SUMF1: variants seen among roughly 807,000 people sequenced by gnomAD.
SUMF1 encodes the protein formylglycine-generating enzyme.
A neutral mutation model predicts 47.6 loss-of-function variants in SUMF1; 48 were observed. The ratio of observed to expected loss-of-function variants is 1.01; its 90% CI spans 0.80 to 1.28. The LOEUF (loss-of-function observed/expected upper bound fraction) is 1.28, where lower values mean the gene tolerates loss of function less well. Ranked by LOEUF, SUMF1 falls within the 50% of genes most tolerant of loss-of-function variation. The pLI is 0.00. For synonymous variants in SUMF1, 230 were observed against 192.1 expected, an observed-to-expected ratio of 1.20 and a Z score of -1.63; for missense variants, 571 against 485.4, an observed-to-expected ratio of 1.18 and a Z score of -1.66.
intron 8 of SUMF1, among the ~76,000 whole-genome samples, chr3:4,286,759 A>G (rs565343807): frequency 5.3e-5 from 8 of 152,290 alleles, no homozygotes; most frequent in Admixed American, 3.3e-4. Context: ...CCATCATAAC[A>G]CCATCGTAGC....
intron 8 of SUMF1, among the ~76,000 whole-genome samples, chr3:4,225,608 G>A (rs1478860494): frequency 6.6e-5 from 10 of 152,060 alleles, no homozygotes; most frequent in Admixed American, 4.6e-4. Context: ...AGTCCAAATC[G>A]CTGGTGACAG....
intron 8 of SUMF1, among the ~76,000 whole-genome samples, chr3:4,295,313 G>A (rs1341592534): frequency 6.6e-6 from 1 of 151,940 alleles, no homozygotes; most frequent in African/African-American, 2.4e-5. Flanking sequence ...ATATTTGGTG[G>A]TATCCAGCGA....
intron 8 of SUMF1, among the ~76,000 whole-genome samples, chr3:4,109,904 T>C (rs1226712165): frequency 6.6e-6 from 1 of 152,162 alleles, no homozygotes; most frequent in Non-Finnish European, 1.5e-5. Context: ...TTTGATTGTC[T>C]GAAGCCTTCT....
chr3:4,214,330 A>G (rs962787894), intron 8 of SUMF1, among the ~76,000 whole-genome samples: 2 of 152,156 alleles, frequency 1.3e-5, no homozygotes, highest in African/African-American at 4.8e-5. Context: ...AACAAAATGA[A>G]GGCACAAATA....
At chr3:4,352,686 C>T (rs1477934366) in intron 8 of SUMF1, among the ~76,000 whole-genome samples, 1 of 138,040 alleles carries the variant, frequency 7.2e-6, no homozygotes, top group Non-Finnish European at 1.5e-5. Flanking sequence ...GTAGTCCATG[C>T]ATAGAATTAT....
intron 8 of SUMF1, among the ~76,000 whole-genome samples, chr3:4,168,332 G>A (rs1273584015): frequency 3.9e-5 from 6 of 152,172 alleles, no homozygotes; most frequent in South Asian, 4.1e-4. Context: ...AAAAACTTTC[G>A]ATGACACAGA....
At chr3:4,066,131 C>T (rs553321400) in intron 9 of SUMF1, among the ~76,000 whole-genome samples, 1 of 151,998 alleles carries the variant, frequency 6.6e-6, no homozygotes, top group Non-Finnish European at 1.5e-5. Flanking sequence ...AGAAGACATT[C>T]AGCACAGTCC....
intron 8 of SUMF1, among the ~76,000 whole-genome samples, chr3:4,176,374 G>T (rs1694960866): frequency 6.6e-6 from 1 of 152,096 alleles, no homozygotes; most frequent in Non-Finnish European, 1.5e-5. Context: ...AGAGAGTGGG[G>T]GCCAATATTC....
At chr3:4,313,554 C>T in intron 8 of SUMF1, 2 of 1,613,978 alleles carry the variant, frequency 1.2e-6, no homozygotes, top group Non-Finnish European at 1.7e-6. Context: ...ATCTAACAGT[C>T]AGTGAAGACA....
intron 4 of SUMF1, among the ~76,000 whole-genome samples, chr3:4,418,501 AC>A (rs1701790903): frequency 6.6e-6 from 1 of 152,166 alleles, no homozygotes; most frequent in South Asian, 2.1e-4. Context: ...TCTCAGAGAA[AC>A]CAGTGACTAA....
chr3:4,464,674 T>TA (rs2079897290), intron 1 of SUMF1, among the ~76,000 whole-genome samples: 1 of 152,228 alleles, frequency 6.6e-6, no homozygotes, highest in African/African-American at 2.4e-5. Flanking sequence ...GAATAAATGG[T>TA]AAAGTGTCAG....
At chr3:4,240,649 C>G (rs1156936641) in intron 8 of SUMF1, among the ~76,000 whole-genome samples, 7 of 151,834 alleles carry the variant, frequency 4.6e-5, no homozygotes, top group African/African-American at 7.3e-5. Context: ...ATAAGCAACC[C>G]AAGTATCAAA....
At chr3:4,130,831 G>C (rs1380050562) in intron 8 of SUMF1, among the ~76,000 whole-genome samples, 2 of 152,092 alleles carry the variant, frequency 1.3e-5, no homozygotes, top group South Asian at 2.1e-4. Flanking sequence ...CCAGTTTTGA[G>C]TTGGGTCCAG....
chr3:4,056,863 T>A (rs577133424), intron 9 of SUMF1, among the ~76,000 whole-genome samples: 1 of 152,156 alleles, frequency 6.6e-6, no homozygotes, highest in Non-Finnish European at 1.5e-5. Flanking sequence ...TGCCTCAGTC[T>A]CCTGAGTAGC....
intron 8 of SUMF1, among the ~76,000 whole-genome samples, chr3:4,092,721 G>A (rs866415862): frequency 1.3e-5 from 2 of 152,036 alleles, no homozygotes; most frequent in East Asian, 1.9e-4. Context: ...TGTATATCGG[G>A]GGTGGAGTAG....
chr3:4,147,694 G>T (rs942465118), intron 8 of SUMF1, among the ~76,000 whole-genome samples: 1 of 152,060 alleles, frequency 6.6e-6, no homozygotes, highest in Non-Finnish European at 1.5e-5. Flanking sequence ...TTATTGTACA[G>T]AACCAGATGC....
chr3:4,327,515 C>T (rs1281911836), intron 8 of SUMF1, among the ~76,000 whole-genome samples: 2 of 151,906 alleles, frequency 1.3e-5, no homozygotes, highest in African/African-American at 4.8e-5. Context: ...GTTAAAAACA[C>T]AATTGTCAAG....
At chr3:4,189,689 T>G (rs972125240) in intron 8 of SUMF1, among the ~76,000 whole-genome samples, 4 of 132,116 alleles carry the variant, frequency 3.0e-5, no homozygotes, top group African/African-American at 1.2e-4. Context: ...CCTCAAGATT[T>G]TGAAGAACTA....
chr3:4,215,226 G>A (rs764554636), intron 8 of SUMF1, among the ~76,000 whole-genome samples: 7 of 152,184 alleles, frequency 4.6e-5, no homozygotes, highest in African/African-American at 1.2e-4. Flanking sequence ...TCTCTGGGAT[G>A]CAAGGCTGGT....
Sources: gnomAD v4.1 joint callset for allele counts (sites outside exome capture counted in the v4.1 genomes callset) on GRCh38, gnomAD v4.1.1 for gene constraint, MANE v1.5 for transcripts, NCBI Gene and HGNC (gene_info 2026-07-23, HGNC 2026-07-21) for gene names.